Variants in GBF1 observed in about 807,000 individuals in gnomAD.
GBF1 encodes the protein Golgi-specific brefeldin A-resistance guanine nucleotide exchange factor 1.
Under a neutral mutation model 210.5 loss-of-function variants are expected in GBF1, and 114 were observed. The ratio of observed to expected loss-of-function variants is 0.54; its 90% CI spans 0.47 to 0.63. The LOEUF (loss-of-function observed/expected upper bound fraction) is 0.63. Among genes scored for constraint, GBF1 ranks in the 30% least tolerant of loss-of-function variants. The probability of loss-of-function intolerance (pLI) is 0.00; values close to 1 mark genes in which losing one functional copy is unlikely to be tolerated. For missense variants in GBF1, 1,851 were observed against 2,357.7 expected, an observed-to-expected ratio of 0.79 and a Z score of 4.45; for synonymous variants, 850 against 889.2, an observed-to-expected ratio of 0.96 and a Z score of 0.78.
chr10:102,303,272 G>A (rs2077554025), intron 3 of GBF1, among the ~76,000 whole-genome samples: 1 of 152,158 alleles, frequency 6.6e-6, no homozygotes, highest in African/African-American at 2.4e-5. Flanking sequence ...ACAGGCGTGA[G>A]CCACCATGAC....
chr10:102,368,050 CCTTT>C (rs1286410908), intron 21 of GBF1, among the ~76,000 whole-genome samples, 164 bp from the exon 22 acceptor site: 1 of 152,190 alleles, frequency 6.6e-6, no homozygotes, highest in Non-Finnish European at 1.5e-5. Flanking sequence ...TGGGACACTT[CCTTT>C]CTTTCTGTCT....
At chr10:102,377,264 A>G (rs995268549) in intron 33 of GBF1, 124 bp downstream of exon 33, 8 of 659,526 alleles carry the variant, frequency 1.2e-5, no homozygotes, top group Non-Finnish European at 1.9e-5. Flanking sequence ...CTGGACCACC[A>G]TCTTCACAAT....
chr10:102,268,005 T>A (rs2074033337), intron 3 of GBF1, among the ~76,000 whole-genome samples: 1 of 152,168 alleles, frequency 6.6e-6, no homozygotes. Context: ...TGTGATTCTT[T>A]TTTTCCCCAG....
At chr10:102,248,795 C>T (rs1249863023) in intron 1 of GBF1, among the ~76,000 whole-genome samples, 1 of 152,052 alleles carries the variant, frequency 6.6e-6, no homozygotes, top group Non-Finnish European at 1.5e-5. Flanking sequence ...CCATCATGCC[C>T]AGCTAATTTT....
intron 4 of GBF1, among the ~76,000 whole-genome samples, chr10:102,346,733 C>T (rs2058601225): frequency 6.6e-6 from 1 of 152,140 alleles, no homozygotes; most frequent in Admixed American, 6.5e-5. Context: ...GTCTTGAACT[C>T]CTGAGCTCAA....
At chr10:102,338,414 T>G (rs1301229303) in intron 3 of GBF1, among the ~76,000 whole-genome samples, 2 of 151,738 alleles carry the variant, frequency 1.3e-5, no homozygotes, top group East Asian at 3.9e-4. Context: ...CTAATTTTTT[T>G]TGTATTTTTA....
the GBF1 span, chr10:102,231,505 T>C: frequency 2.3e-6 from 2 of 881,168 alleles, no homozygotes; most frequent in Non-Finnish European, 3.5e-6. Context: ...AGGGGGCAGG[T>C]GGGGTGGAAC....
At position 102,352,523 on chromosome 10, in the gene GBF1, A is replaced by G; in HGVS notation, c.584+5A>G. On this transcript the variant is annotated splice_donor_5th_base_variant and intron_variant, in intron 7 of 39. Transcript: ENST00000369983. ...GGTGCAGCTGCTCTTCACAAGGTAA[A>G]CCTGCTGCTGTTTGCTTCAGCCCGG... is the stretch of plus-strand genomic sequence containing the variant. The G allele has an allele frequency of 6.2e-7, 1 of 1,603,418 alleles. No homozygotes were observed. Among genetic ancestry groups the G allele is most frequent in the Non-Finnish European group, 8.5e-7 (1 of 1,170,530 alleles).
chr10:102,293,763 TG>T (rs1565071296), intron 3 of GBF1, among the ~76,000 whole-genome samples: 3 of 34,402 alleles, frequency 8.7e-5, no homozygotes, highest in African/African-American at 3.8e-4. Flanking sequence ...AGCTGTAGTA[TG>T]TTTTGTGTTT....
intron 30 of GBF1, 146 bp downstream of exon 30, chr10:102,375,730 G>T: frequency 1.6e-6 from 1 of 623,976 alleles, no homozygotes; most frequent in Non-Finnish European, 2.9e-6. Context: ...TCCAGTGCCC[G>T]CTGGCTAGTA....
At chr10:102,356,242 G>A (rs969028060) in intron 8 of GBF1, among the ~76,000 whole-genome samples, 3 of 152,126 alleles carry the variant, frequency 2.0e-5, no homozygotes, top group African/African-American at 7.2e-5. Flanking sequence ...ACTATCAAAA[G>A]GAATTGAACA....
At position 102,360,216 on chromosome 10, in the gene GBF1, A is replaced by G; in HGVS notation, c.1213A>G (p.Ile405Val). 2 of 1,613,990 alleles carry G rather than the reference A, an allele frequency of 1.2e-6. No individual in the cohort carries two copies. The highest frequency in any genetic ancestry group is 1.7e-6 in the Non-Finnish European group (2 of 1,179,894). ...TALVPYGLPC[I>V]RELFRFLISL... Reference sequence around the variant, plus strand: ...TTTGGTCCCCTATGGTCTTCCCTGCATCCGCGAGCTCTTCCGCTTCCTCAT... The same window carrying G: ...TTTGGTCCCCTATGGTCTTCCCTGCGTCCGCGAGCTCTTCCGCTTCCTCAT... The change falls in exon 12 of 40, where the codon ATC becomes GTC. Residue 405 changes from isoleucine (I) to valine (V), a missense_variant. By Grantham distance (29) the Ile-to-Val change is conservative. This residue lies in a region of GBF1 where 804 missense variants were observed against 958.6 expected (regional missense o/e 0.84). Coordinates refer to ENST00000369983, the MANE Select transcript of GBF1 (RefSeq NM_001377137.1).
In GBF1 at chr10:102,260,106, C is replaced by A. The variant is rs2072997178; in HGVS notation, c.153C>A (p.Asn51Lys). Residue 51 changes from asparagine to lysine, a missense_variant, in exon 3 of 40, where the codon AAC becomes AAA. By Grantham distance (94) the Asn-to-Lys change is moderately conservative. Around this residue, in one of 3 missense-constraint regions of GBF1, gnomAD observed 804 missense variants for 958.6 expected, o/e 0.84. Transcript: ENST00000369983. ...HSFGHLKEVL[N>K]SITELSEIEP... The stretch of plus-strand genomic sequence containing the variant: ...TCGGTCATCTAAAGGAGGTTTTAAA[C>A]AGTATAACAGGTAAGTCTCCATATG... The A allele has an allele frequency of 1.3e-6, 2 of 1,525,872 alleles. No homozygotes were observed. Among genetic ancestry groups the A allele is most frequent in the Non-Finnish European group, 1.8e-6 (2 of 1,100,276 alleles). The allele number at this position is 1,525,872 out of a possible 1,614,324, so 94.5% of individuals were successfully genotyped here.
At chr10:102,291,791 A>T (rs920608236) in intron 3 of GBF1, among the ~76,000 whole-genome samples, 1 of 151,896 alleles carries the variant, frequency 6.6e-6, no homozygotes, top group African/African-American at 2.4e-5. Flanking sequence ...CATTCTCCTT[A>T]CCATTGACAA....
chr10:102,298,364 A>G (rs2077076896), intron 3 of GBF1, among the ~76,000 whole-genome samples: 1 of 152,250 alleles, frequency 6.6e-6, no homozygotes, highest in Non-Finnish European at 1.5e-5. Flanking sequence ...GACTTTAAAA[A>G]ATTAAATAGA....
intron 27 of GBF1, 43 bp downstream of exon 27, chr10:102,370,288 T>C: frequency 6.7e-7 from 1 of 1,503,548 alleles, no homozygotes; most frequent in South Asian, 1.1e-5. Context: ...TGGCTGAATC[T>C]GGGAGGGGTG....
At chr10:102,254,066 A>G (rs899762556) in intron 1 of GBF1, among the ~76,000 whole-genome samples, 2 of 152,034 alleles carry the variant, frequency 1.3e-5, no homozygotes, top group African/African-American at 4.8e-5. Flanking sequence ...TATATTAGTT[A>G]TATGTGCCTC....
chr10:102,342,098 G>A (rs1193319119), intron 3 of GBF1, among the ~76,000 whole-genome samples: 2 of 149,296 alleles, frequency 1.3e-5, no homozygotes, highest in African/African-American at 2.5e-5. Context: ...GTGCAGTGGC[G>A]TGACCTCAGC....
At chr10:102,322,718 CAAAAAAAAAA>C (rs61470777) in intron 3 of GBF1, among the ~76,000 whole-genome samples, 17 of 80,474 alleles carry the variant, frequency 2.1e-4, no homozygotes, top group African/African-American at 6.6e-4. Flanking sequence ...CTCATCTCTA[CAAAAAAAAAA>C]AAAAAAAAAA....
Sources: gnomAD v4.1 joint callset for allele counts (sites outside exome capture counted in the v4.1 genomes callset) on GRCh38, gnomAD v4.1.1 for gene constraint, gnomAD v4.1.1 regional missense constraint, MANE v1.5 for transcripts, NCBI Gene and HGNC (gene_info 2026-07-23, HGNC 2026-07-21) for gene names.